SORCS1: variants seen among roughly 807,000 people sequenced by gnomAD.
SORCS1 encodes the protein VPS10 domain-containing receptor SorCS1.
SORCS1 carries 60 observed loss-of-function variants against 146.1 expected under a neutral mutation model. That is an observed-to-expected ratio of 0.41 (90% CI 0.33 to 0.51). The LOEUF is 0.51. SORCS1 is among the 20% of genes least tolerant of loss of function. SORCS1 has a pLI of 0.21. For missense variants in SORCS1, 1,352 were observed against 1,487.6 expected (o/e 0.91, Z 1.50); for synonymous variants, 637 against 584.0 (o/e 1.09, Z -1.31).
chr10:107,097,232 C>CA (rs1964602565), intron 1 of SORCS1, among the ~76,000 whole-genome samples: 1 of 152,164 alleles, frequency 6.6e-6, no homozygotes, highest in Non-Finnish European at 1.5e-5. Flanking sequence ...TTATTTTTAA[C>CA]AAGTGAATGA....
At chr10:106,807,549 T>C (rs535656941) in intron 3 of SORCS1, among the ~76,000 whole-genome samples, 1 of 152,182 alleles carries the variant, frequency 6.6e-6, no homozygotes, top group Non-Finnish European at 1.5e-5. Flanking sequence ...GGTTTTTCAC[T>C]GAGATGTAAA....
chr10:106,856,699 G>C (rs530908793), intron 2 of SORCS1, among the ~76,000 whole-genome samples: 1 of 152,174 alleles, frequency 6.6e-6, no homozygotes, highest in African/African-American at 2.4e-5. Flanking sequence ...AAAAGTATGA[G>C]GGCCTCTCTG....
rs781694521 is a variant in SORCS1, at chr10:106,984,705, T to C, written c.559-28125A>G. On this transcript the variant is annotated intron_variant, in intron 1 of 25. Coordinates refer to ENST00000263054, the MANE Select transcript of SORCS1 (RefSeq NM_052918.5). The stretch of plus-strand genomic sequence containing the variant: ...ACTGCACCTGGCCTACCATTCTTAA[T>C]TGTAAAAGTTACTATTATCACCACC... Among the ~76,000 whole-genome samples, 15 of 152,098 alleles carry C rather than the reference T, an allele frequency of 9.9e-5. No homozygotes were observed. In the Middle Eastern group the frequency reaches 0.017, roughly 172 times the overall value.
intron 1 of SORCS1, among the ~76,000 whole-genome samples, chr10:106,959,346 A>T (rs1282776518): frequency 6.6e-6 from 1 of 152,230 alleles, no homozygotes; most frequent in Non-Finnish European, 1.5e-5. Context: ...AAGAGCAAGA[A>T]AGAAGGCACA....
At chr10:107,174,952 C>T in the SORCS1 span, among the ~76,000 whole-genome samples, 1 of 151,924 alleles carries the variant, frequency 6.6e-6, no homozygotes, top group Admixed American at 6.6e-5. Flanking sequence ...TTTTTAAATT[C>T]CTAATTTGCT....
chr10:106,733,015 G>C (rs1430020414), intron 5 of SORCS1, among the ~76,000 whole-genome samples: 2 of 151,078 alleles, frequency 1.3e-5, no homozygotes, highest in African/African-American at 2.4e-5. Flanking sequence ...GGCTGAGTCA[G>C]GAAAATCCCT....
intron 2 of SORCS1, among the ~76,000 whole-genome samples, chr10:106,875,697 C>A (rs1056544254): frequency 1.3e-5 from 2 of 152,138 alleles, no homozygotes; most frequent in Admixed American, 6.6e-5. Context: ...CTGTAATTTG[C>A]ATTTCCCTGG....
chr10:106,917,041 C>A (rs915919691), intron 2 of SORCS1, among the ~76,000 whole-genome samples: 5 of 152,210 alleles, frequency 3.3e-5, no homozygotes, highest in African/African-American at 1.2e-4. Flanking sequence ...CCGCACCCAG[C>A]CCACTTTCCA....
intron 1 of SORCS1, among the ~76,000 whole-genome samples, chr10:107,161,590 A>G (rs111764285): frequency 0.017 from 2,659 of 152,250 alleles, 68 homozygotes; most frequent in African/African-American, 0.061. Context: ...AGAGATGAAA[A>G]AATCCACATT....
chr10:107,023,246 A>G (rs12781565), intron 1 of SORCS1, among the ~76,000 whole-genome samples: 1,877 of 152,204 alleles, frequency 0.012, 25 homozygotes, highest in Middle Eastern at 0.027. Flanking sequence ...TTCTTAGTAC[A>G]CTGCTTTTTC....
chr10:106,789,795 A>G (rs1433602336), intron 3 of SORCS1, among the ~76,000 whole-genome samples: 1 of 152,230 alleles, frequency 6.6e-6, no homozygotes, highest in Admixed American at 6.5e-5. Flanking sequence ...TCACTGTATT[A>G]GTCTGTTCTC....
At chr10:106,912,450 A>G (rs537725723) in intron 2 of SORCS1, among the ~76,000 whole-genome samples, 1 of 152,266 alleles carries the variant, frequency 6.6e-6, no homozygotes, top group Admixed American at 6.5e-5. Context: ...ACCTAAAGCA[A>G]TCAGAATCTC....
At chr10:107,006,747 G>T (rs541089908) in intron 1 of SORCS1, among the ~76,000 whole-genome samples, 1 of 152,198 alleles carries the variant, frequency 6.6e-6, no homozygotes, top group Non-Finnish European at 1.5e-5. Flanking sequence ...AACCTGGGAG[G>T]CGGAGCTTGC....
chr10:107,119,823 T>A (rs1966281760), intron 1 of SORCS1, among the ~76,000 whole-genome samples: 1 of 152,124 alleles, frequency 6.6e-6, no homozygotes. Context: ...CAAAATTAAT[T>A]TCAGATAGAT....
intron 9 of SORCS1, among the ~76,000 whole-genome samples, chr10:106,695,124 G>C (rs1408068609): frequency 1.3e-5 from 2 of 152,054 alleles, no homozygotes; most frequent in Non-Finnish European, 2.9e-5. Context: ...TTCTATTCAG[G>C]TGTGATGGAG....
intron 2 of SORCS1, among the ~76,000 whole-genome samples, chr10:106,834,018 C>T (rs12252345): frequency 0.038 from 5,789 of 152,216 alleles, 293 homozygotes; most frequent in East Asian, 0.23. Context: ...TGGTCTCGAT[C>T]TCCTGACCTT....
chr10:106,580,159 T>C (rs934032516), intron 24 of SORCS1, among the ~76,000 whole-genome samples: 3 of 152,172 alleles, frequency 2.0e-5, no homozygotes, highest in Non-Finnish European at 2.9e-5. Flanking sequence ...GCTTGTATTT[T>C]TGTACACAGG....
chr10:106,832,240 G>A (rs1948582014), intron 2 of SORCS1, among the ~76,000 whole-genome samples: 1 of 147,202 alleles, frequency 6.8e-6, no homozygotes, highest in Non-Finnish European at 1.5e-5. Flanking sequence ...CCAGGCTGGA[G>A]TGCAGTTGGG....
intron 18 of SORCS1, among the ~76,000 whole-genome samples, chr10:106,641,616 G>A (rs1383720208): frequency 6.6e-6 from 1 of 152,110 alleles, no homozygotes; most frequent in Non-Finnish European, 1.5e-5. Context: ...GCTTCTTGGG[G>A]AAGGCTATCC....
Sources: allele counts gnomAD v4.1 joint callset (sites outside exome capture counted in the v4.1 genomes callset), GRCh38; gene constraint gnomAD v4.1.1; transcripts MANE v1.5; gene names NCBI Gene and HGNC (gene_info 2026-07-23, HGNC 2026-07-21).